Variants in HDAC4 observed in about 807,000 individuals in gnomAD.
HDAC4 encodes histone deacetylase A.
Under a neutral mutation model 135.1 loss-of-function variants are expected in HDAC4, and 16 were observed. The observed-to-expected ratio is 0.12, with a 90% CI of 0.08 to 0.18. HDAC4 has a LOEUF of 0.18. HDAC4 is among the 10% of genes least tolerant of loss of function. HDAC4 has a pLI of 1.00. For synonymous variants in HDAC4, 685 were observed against 653.4 expected, an observed-to-expected ratio of 1.05 and a Z score of -0.74; for missense variants, 1,143 against 1,511.8, an observed-to-expected ratio of 0.76 and a Z score of 4.05.
At position 239,115,094 on chromosome 2, in the gene HDAC4, C is replaced by T; in HGVS notation, c.1750G>A (p.Gly584Ser). The change falls in exon 13 of 27, where the codon GGC becomes AGC. Residue 584 changes from glycine (G) to serine (S), a missense_variant. Physicochemically the swap from Gly to Ser is moderately conservative, Grantham distance 56. Transcript: ENST00000543185. This position sits in a 1 kb window ranked among gnomAD's most constrained non-coding sequence, Gnocchi z 6.3. ...TCCTGCTCACTGGGCTGGCGCTGGC[C>T]CGGCTCCACCTCCCGTGGGGGCTCT... is the stretch of plus-strand genomic sequence containing the variant. ...EAEPPREVEP[G>S]QRQPSEQELL... 1 of 1,611,552 alleles carries T rather than the reference C, an allele frequency of 6.2e-7. No individual in the cohort carries two copies. Among genetic ancestry groups the T allele is most frequent in the Non-Finnish European group, 8.5e-7 (1 of 1,179,920 alleles).
intron 3 of HDAC4, among the ~76,000 whole-genome samples, chr2:239,231,509 C>A (rs374584222): frequency 6.6e-6 from 1 of 152,200 alleles, no homozygotes; most frequent in Non-Finnish European, 1.5e-5. Flanking sequence ...TGGAGAGCAG[C>A]GCCATGAGGG....
intron 3 of HDAC4, among the ~76,000 whole-genome samples, chr2:239,228,074 G>T (rs2047342845): frequency 6.6e-6 from 1 of 152,202 alleles, no homozygotes; most frequent in Non-Finnish European, 1.5e-5. Context: ...TGAGCTGCAG[G>T]AAGGGCAGAG....
chr2:239,190,062 G>A lies in HDAC4; in HGVS notation c.110C>T (p.Ala37Val), dbSNP rs761550650. 63 of 1,600,950 alleles carry A rather than the reference G, an allele frequency of 3.9e-5. No homozygotes were observed. The highest frequency in any genetic ancestry group is 8.8e-5 in the South Asian group (8 of 90,984). Residue 37 changes from alanine (A) to valine (V), a missense_variant, in exon 4 of 27, where the codon GCG (alanine) becomes GTG (valine). Physicochemically the swap from Ala to Val is moderately conservative, Grantham distance 64. Around this residue, in one of 9 missense-constraint regions of HDAC4, gnomAD observed 247 missense variants for 310.0 expected, o/e 0.80. Coordinates refer to ENST00000543185, the MANE Select transcript of HDAC4 (RefSeq NM_001378414.1). ...HMPSTVDVATALPLQVAPSAV... is the reference protein window; with the variant it reads ...HMPSTVDVATVLPLQVAPSAV... ...CGAGGGGGCCACTTGCAGAGGCAGC[G>A]CCGTGGCCACATCCACTGTGGGAAA... is the stretch of plus-strand genomic sequence containing the variant.
At chr2:239,342,560 C>T (rs1692356905) in intron 2 of HDAC4, among the ~76,000 whole-genome samples, 1 of 152,146 alleles carries the variant, frequency 6.6e-6, no homozygotes, top group African/African-American at 2.4e-5. Context: ...TTTGAAAGTA[C>T]AGAGTCTTGG....
At chr2:239,179,960 A>G (rs1186589816) in intron 4 of HDAC4, among the ~76,000 whole-genome samples, 1 of 151,990 alleles carries the variant, frequency 6.6e-6, no homozygotes, top group African/African-American at 2.4e-5. Flanking sequence ...CGTGGGATTG[A>G]GCATGTGTGC....
In HDAC4 at chr2:239,116,324, G is replaced by A. The variant is rs544528646; in HGVS notation, c.1534-1014C>T. The stretch of plus-strand genomic sequence containing the variant: ...CAGCACAGCAGGTCCAATGCCGAAC[G>A]CAGGGCAGCTTCTTCCAAGCCTCTC... On this transcript the variant is annotated intron_variant, in intron 12 of 26. Transcript: ENST00000543185. Among the ~76,000 whole-genome samples the A allele has an allele frequency of 1.3e-4, 20 of 149,240 alleles. No homozygotes were observed. In the South Asian group the frequency reaches 3.5e-3, roughly 26 times the overall value.
chr2:239,165,670 G>C (rs1438192796), intron 5 of HDAC4, among the ~76,000 whole-genome samples: 5 of 152,234 alleles, frequency 3.3e-5, no homozygotes, highest in Non-Finnish European at 7.3e-5. Flanking sequence ...TGCGCCTCAG[G>C]TGAGGTTGGC....
chr2:239,368,452 G>A lies in HDAC4; in HGVS notation c.-219-15534C>T, dbSNP rs562404443. Among the ~76,000 whole-genome samples the A allele has an allele frequency of 2.4e-4, 37 of 152,336 alleles. 1 individual carries two copies. Among genetic ancestry groups the A allele is most frequent in the Admixed American group, 7.2e-4 (11 of 15,304 alleles). ...CTTCACGTGGAGGGGGTCTCATCAA[G>A]GCAGCAGAACAGCTTCTTGAAACAA... On this transcript the variant is annotated intron_variant, in intron 1 of 26. Transcript: ENST00000543185.
intron 2 of HDAC4, among the ~76,000 whole-genome samples, chr2:239,265,785 A>T (rs897204631): frequency 1.3e-5 from 2 of 152,222 alleles, no homozygotes; most frequent in African/African-American, 2.4e-5. Context: ...TGGAACTTCC[A>T]AACACCATTT....
At chr2:239,368,405 G>A (rs1270788944) in intron 1 of HDAC4, among the ~76,000 whole-genome samples, 1 of 152,182 alleles carries the variant, frequency 6.6e-6, no homozygotes, top group Non-Finnish European at 1.5e-5. Flanking sequence ...TTGCGTGGCT[G>A]GCGCTGCTGC....
rs1222189761 is a variant in HDAC4, at chr2:239,050,486, G to C, written c.*2611C>G. 1 of 152,522 alleles carries C rather than the reference G, an allele frequency of 6.6e-6. No individual in the cohort carries two copies. Among genetic ancestry groups the C allele is most frequent in the African/African-American group, 2.4e-5 (1 of 41,444 alleles). 9.4% of individuals were successfully genotyped at this position (152,522 alleles called of 1,614,324 possible). On this transcript the variant is annotated 3_prime_UTR_variant, in exon 27 of 27. Transcript: ENST00000543185. ...TGGACCAGCTCCTCTTGCCAATCTG[G>C]GCTTCAGAGCAAAGAGTGGCCACCA...
chr2:239,163,614 G>A (rs1407682653), intron 6 of HDAC4, among the ~76,000 whole-genome samples, 189 bp downstream of exon 6: 3 of 152,112 alleles, frequency 2.0e-5, no homozygotes, highest in Non-Finnish European at 2.9e-5. Flanking sequence ...CCGTGAGGAC[G>A]GCTGCCGCAC....
chr2:239,199,716 TG>T (rs2045634922), intron 3 of HDAC4, among the ~76,000 whole-genome samples: 1 of 148,930 alleles, frequency 6.7e-6, no homozygotes, highest in African/African-American at 2.5e-5. Flanking sequence ...CCAGATGCTT[TG>T]GGGTCTTCCT....
Position 239,115,661 on chromosome 2 carries a change from AGT to A in HDAC4, c.1534-353_1534-352del, listed in dbSNP as rs1282981999. 6.6e-6 allele frequency among the ~76,000 whole-genome samples: 1 copy of A among 152,052 alleles called. No individual in the cohort carries two copies. Among genetic ancestry groups the A allele is most frequent in the South Asian group, 2.1e-4 (1 of 4,820 alleles). ...AACAGAGTCTGCAGAGGAGAGCTTG[AGT>A]GTGAAGGGGAGAGGCCAATGCTGAC... On this transcript the variant is annotated intron_variant, in intron 12 of 26. Transcript: ENST00000543185. The surrounding 1 kb of genome is among the most constrained non-coding windows in gnomAD (Gnocchi z 6.3).
At chr2:239,054,665 G>C in intron 25 of HDAC4, 84 bp downstream of exon 25, 1 of 875,090 alleles carries the variant, frequency 1.1e-6, no homozygotes, top group Non-Finnish European at 2.0e-6. Context: ...GAAGAGCTGG[G>C]GGTATAGGGG....
chr2:239,156,263 C>G (rs1336571722), intron 7 of HDAC4, among the ~76,000 whole-genome samples: 3 of 152,190 alleles, frequency 2.0e-5, no homozygotes, highest in Admixed American at 6.5e-5. Context: ...CAGCGCCATC[C>G]CTGAAGGCCA....
At chr2:239,380,175 G>T (rs1400685578) in intron 1 of HDAC4, among the ~76,000 whole-genome samples, 2 of 152,240 alleles carry the variant, frequency 1.3e-5, no homozygotes, top group East Asian at 3.8e-4. Flanking sequence ...CAGTTCTGGA[G>T]ATCTGGACCA....
At chr2:239,342,858 G>T (rs564086287) in intron 2 of HDAC4, among the ~76,000 whole-genome samples, 1 of 99,812 alleles carries the variant, frequency 1.0e-5, no homozygotes, top group African/African-American at 3.3e-5. Flanking sequence ...GTCTTGGAGG[G>T]AAACAGCCGC....
intron 1 of HDAC4, among the ~76,000 whole-genome samples, chr2:239,358,535 G>A (rs1483261358): frequency 6.6e-6 from 1 of 152,212 alleles, no homozygotes; most frequent in African/African-American, 2.4e-5. Context: ...ACCCAATCTA[G>A]TGCTAGGTGT....
Sources: allele counts gnomAD v4.1 joint callset (sites outside exome capture counted in the v4.1 genomes callset), GRCh38; gene constraint gnomAD v4.1.1; regional missense constraint gnomAD v4.1.1; non-coding constraint Gnocchi (gnomAD v3.1); transcripts MANE v1.5; gene names NCBI Gene and HGNC (gene_info 2026-07-23, HGNC 2026-07-21).